The following CSMD1 variants were observed in gnomAD, a reference collection of about 807,000 sequenced individuals.
The protein encoded by CSMD1 is CUB and Sushi multiple domains 1, also known as CUB and sushi domain-containing protein 1.
CSMD1 carries 213 observed loss-of-function variants against 417.5 expected under a neutral mutation model. The ratio of observed to expected loss-of-function variants is 0.51; its 90% CI spans 0.46 to 0.57. The LOEUF (loss-of-function observed/expected upper bound fraction) is 0.57, where lower values mean the gene tolerates loss of function less well. CSMD1 is among the 20% of genes least tolerant of loss of function. The probability of loss-of-function intolerance (pLI) is 0.00; values close to 1 mark genes in which losing one functional copy is unlikely to be tolerated. For synonymous variants in CSMD1, 2,862 were observed against 1,736.8 expected, an observed-to-expected ratio of 1.65 and a Z score of -16.11; for missense variants, 6,923 against 4,529.7, an observed-to-expected ratio of 1.53 and a Z score of -15.17.
chr8:4,723,941 C>T (rs1302873963), intron 1 of CSMD1, among the ~76,000 whole-genome samples: 1 of 152,040 alleles, frequency 6.6e-6, no homozygotes, highest in African/African-American at 2.4e-5. Context: ...CTTTGAGTAA[C>T]TTGCCTAGAT....
At chr8:4,392,686 T>C (rs1434316974) in intron 3 of CSMD1, among the ~76,000 whole-genome samples, 1 of 151,768 alleles carries the variant, frequency 6.6e-6, no homozygotes, top group Non-Finnish European at 1.5e-5. Context: ...AGATGGACTG[T>C]GGGCTGGGCA....
intron 52 of CSMD1, among the ~76,000 whole-genome samples, chr8:3,010,224 T>G (rs1808276927): frequency 6.6e-6 from 1 of 152,192 alleles, no homozygotes; most frequent in Admixed American, 6.5e-5. Flanking sequence ...GAGCCTATCT[T>G]CGGTGTTGCC....
intron 1 of CSMD1, among the ~76,000 whole-genome samples, chr8:4,883,494 C>T (rs1803543041): frequency 1.3e-5 from 2 of 152,018 alleles, no homozygotes; most frequent in Admixed American, 6.6e-5. Flanking sequence ...TTATTTTCTC[C>T]TCATCAACCA....
intron 3 of CSMD1, among the ~76,000 whole-genome samples, chr8:4,371,445 G>C (rs78279477): frequency 6.2e-4 from 94 of 152,276 alleles, no homozygotes; most frequent in African/African-American, 1.9e-3. Context: ...GGAGGAAATG[G>C]AGCAGAGGGC....
chr8:3,329,859 G>A (rs1806780776), intron 23 of CSMD1, among the ~76,000 whole-genome samples: 1 of 152,162 alleles, frequency 6.6e-6, no homozygotes, highest in South Asian at 2.1e-4. Flanking sequence ...CAGTGCCTAT[G>A]GCCCACAGTC....
At chr8:4,401,543 C>G (rs1393341579) in intron 3 of CSMD1, among the ~76,000 whole-genome samples, 1 of 152,140 alleles carries the variant, frequency 6.6e-6, no homozygotes, top group Admixed American at 6.6e-5. Flanking sequence ...CAGTAGCTCC[C>G]CTGTCTGATG....
intron 5 of CSMD1, among the ~76,000 whole-genome samples, chr8:3,837,593 T>C (rs959577637): frequency 6.6e-6 from 1 of 152,186 alleles, no homozygotes; most frequent in South Asian, 2.1e-4. Context: ...CAAGTAAGTT[T>C]AGAAGTCTTA....
rs142644410 is a variant in CSMD1, at chr8:3,404,415, A to T, written c.2266+1612T>A. ...TCTTTGGAGGTGGGACCAGGGCAGG[A>T]TGAGGTGGTGAAGGATCATGCCCCC... On this transcript the variant is annotated intron_variant, in intron 15 of 69. Transcript: ENST00000635120. 9.3e-3 allele frequency among the ~76,000 whole-genome samples: 1,412 copies of T among 151,722 alleles called. 9 individuals are homozygous for T. The highest frequency in any genetic ancestry group is 0.014 in the Non-Finnish European group (967 of 67,966).
chr8:4,269,596 T>C (rs1804443867), intron 3 of CSMD1, among the ~76,000 whole-genome samples: 1 of 152,216 alleles, frequency 6.6e-6, no homozygotes, highest in South Asian at 2.1e-4. Context: ...ATCCTTCACA[T>C]ACAGTTTAAC....
intron 7 of CSMD1, among the ~76,000 whole-genome samples, chr8:3,698,386 A>G (rs1800672019): frequency 6.6e-6 from 1 of 152,222 alleles, no homozygotes; most frequent in Non-Finnish European, 1.5e-5. Flanking sequence ...GGAGCAAACT[A>G]GATTAGAGCA....
chr8:3,367,262 CGG>C lies in CSMD1; in HGVS notation c.2900-17_2900-16del. 6.3e-7 allele frequency: 1 copy of C among 1,576,358 alleles called. No individual in the cohort carries two copies. Among genetic ancestry groups the C allele is most frequent in the East Asian group, 2.3e-5 (1 of 43,912 alleles). Reference sequence around the variant, plus strand: ...CATTTGAACTCCTGAGAAATGAAGCCGGGGGAGAGAGAGAGAGACAGAGAGAG... The same window carrying C: ...CATTTGAACTCCTGAGAAATGAAGCCGGGAGAGAGAGAGAGACAGAGAGAG... On this transcript the variant is annotated splice_polypyrimidine_tract_variant and intron_variant, in intron 19 of 69. Coordinates refer to ENST00000635120, the MANE Select transcript of CSMD1 (RefSeq NM_033225.6).
intron 22 of CSMD1, among the ~76,000 whole-genome samples, chr8:3,344,055 C>A (rs1407629178): frequency 2.0e-5 from 3 of 152,068 alleles, no homozygotes; most frequent in African/African-American, 7.2e-5. Flanking sequence ...CTGTATGTGG[C>A]ATTATCTTCC....
At chr8:3,602,758 G>C (rs1584947325) in intron 8 of CSMD1, among the ~76,000 whole-genome samples, 1 of 151,374 alleles carries the variant, frequency 6.6e-6, no homozygotes, top group Non-Finnish European at 1.5e-5. Flanking sequence ...CAGAAAAAGT[G>C]TTACAGAAGG....
chr8:3,673,437 G>C (rs532890738), intron 7 of CSMD1, among the ~76,000 whole-genome samples: 3 of 152,182 alleles, frequency 2.0e-5, no homozygotes, highest in Non-Finnish European at 2.9e-5. Context: ...CTTGGTCTCT[G>C]GGTACAATGT....
chr8:4,476,778 A>C (rs1199199437), intron 2 of CSMD1, among the ~76,000 whole-genome samples: 5 of 152,306 alleles, frequency 3.3e-5, no homozygotes, highest in Middle Eastern at 3.4e-3. Context: ...TAGATGGCAC[A>C]GAGAGCACCT....
Position 4,676,885 on chromosome 8 carries a change from G to T in CSMD1, c.86-39327C>A, listed in dbSNP as rs192665115. Among the ~76,000 whole-genome samples the T allele has an allele frequency of 2.4e-3, 357 of 149,840 alleles. 1 individual carries two copies. Among genetic ancestry groups the T allele is most frequent in the African/African-American group, 7.9e-3 (323 of 40,874 alleles). On this transcript the variant is annotated intron_variant, in intron 1 of 69. Coordinates refer to ENST00000635120, the MANE Select transcript of CSMD1 (RefSeq NM_033225.6). Reference sequence around the variant, plus strand: ...GAGAGATATACATATTTTATATATAGAGAGAGATTTTAGATATACAGGAAT... The same window carrying T: ...GAGAGATATACATATTTTATATATATAGAGAGATTTTAGATATACAGGAAT...
At chr8:3,770,374 C>G (rs1382288939) in intron 5 of CSMD1, among the ~76,000 whole-genome samples, 1 of 152,044 alleles carries the variant, frequency 6.6e-6, no homozygotes, top group Non-Finnish European at 1.5e-5. Context: ...ACTAAAAATA[C>G]AAAAATTAGC....
chr8:4,060,353 A>C (rs1047385537), intron 3 of CSMD1, among the ~76,000 whole-genome samples: 4 of 152,156 alleles, frequency 2.6e-5, no homozygotes, highest in African/African-American at 7.2e-5. Context: ...AATGGGCCAA[A>C]ACTGGAAGCA....
At chr8:3,571,881 T>A (rs2116924766) in intron 10 of CSMD1, among the ~76,000 whole-genome samples, 1 of 152,156 alleles carries the variant, frequency 6.6e-6, no homozygotes, top group East Asian at 1.9e-4. Flanking sequence ...GGAAACCTTT[T>A]AGGGTGTACT....
Sources: gnomAD v4.1 joint callset for allele counts (sites outside exome capture counted in the v4.1 genomes callset) on GRCh38, gnomAD v4.1.1 for gene constraint, MANE v1.5 for transcripts, NCBI Gene and HGNC (gene_info 2026-07-23, HGNC 2026-07-21) for gene names.